The following EPHB1 variants were observed in gnomAD, a reference collection of about 807,000 sequenced individuals.
EPHB1 encodes the protein ephrin type-B receptor 1.
In EPHB1, 30 loss-of-function variants were observed where a neutral mutation model predicts 94.4. The ratio of observed to expected loss-of-function variants is 0.32; its 90% CI spans 0.24 to 0.43. EPHB1 has a LOEUF of 0.43. EPHB1 is among the 20% of genes least tolerant of loss of function. EPHB1 has a pLI of 1.00. For missense variants in EPHB1, 1,055 were observed against 1,308.3 expected, an observed-to-expected ratio of 0.81 and a Z score of 2.99; for synonymous variants, 522 against 489.1, an observed-to-expected ratio of 1.07 and a Z score of -0.89.
At chr3:135,024,790 A>T (rs1040964854) in intron 3 of EPHB1, among the ~76,000 whole-genome samples, 3 of 151,928 alleles carry the variant, frequency 2.0e-5, no homozygotes, top group Non-Finnish European at 4.4e-5. Context: ...TCTTAGATAT[A>T]CTCCCATTTT....
chr3:134,821,210 G>A (rs2036374009), intron 1 of EPHB1, among the ~76,000 whole-genome samples: 1 of 152,132 alleles, frequency 6.6e-6, no homozygotes, highest in South Asian at 2.1e-4. Context: ...ATTGGATGTG[G>A]CCCACCCACA....
intron 6 of EPHB1, among the ~76,000 whole-genome samples, chr3:135,160,896 G>A (rs1308787916): frequency 6.6e-6 from 1 of 152,176 alleles, no homozygotes; most frequent in Non-Finnish European, 1.5e-5. Context: ...AAGAGCCTAA[G>A]CAAATGTCTG....
chr3:134,838,878 G>A lies in EPHB1; in HGVS notation c.58+43189G>A, dbSNP rs564477780. On this transcript the variant is annotated intron_variant, in intron 1 of 15. Coordinates refer to ENST00000398015, the MANE Select transcript of EPHB1 (RefSeq NM_004441.5). ...GCAACTTTGGAGCTAGAAAATGGAG[G>A]CAAACCTTCTACCCCTAGGCAGATC... Among the ~76,000 whole-genome samples, 171 of 152,264 alleles carry A rather than the reference G, an allele frequency of 1.1e-3. 1 individual carries two copies. The highest frequency in any genetic ancestry group is 4.0e-3 in the African/African-American group (168 of 41,536).
chr3:134,882,305 T>C (rs2037747145), intron 1 of EPHB1, among the ~76,000 whole-genome samples: 2 of 152,122 alleles, frequency 1.3e-5, no homozygotes, highest in South Asian at 2.1e-4. Flanking sequence ...ACAACCAAAA[T>C]GTGAGAGAGA....
At chr3:135,120,211 CTCT>C (rs1241361978) in intron 4 of EPHB1, among the ~76,000 whole-genome samples, 2 of 152,180 alleles carry the variant, frequency 1.3e-5, no homozygotes, top group African/African-American at 4.8e-5. Flanking sequence ...GGGGATGATT[CTCT>C]TCTTTATGAT....
chr3:134,945,001 T>C (rs62270321), intron 2 of EPHB1, among the ~76,000 whole-genome samples: 17,459 of 152,214 alleles, frequency 0.11, 1,114 homozygotes, highest in Non-Finnish European at 0.13. Context: ...ACTCACACTT[T>C]ATGAAGAGTG....
intron 3 of EPHB1, among the ~76,000 whole-genome samples, chr3:135,007,506 G>A (rs1010869765): frequency 6.6e-6 from 1 of 152,076 alleles, no homozygotes; most frequent in African/African-American, 2.4e-5. Flanking sequence ...TTATCTTGTG[G>A]CTTCCATAAC....
At chr3:135,052,720 G>A (rs972491506) in intron 3 of EPHB1, among the ~76,000 whole-genome samples, 1 of 150,202 alleles carries the variant, frequency 6.7e-6, no homozygotes, top group African/African-American at 2.5e-5. Context: ...AATTAGCCGG[G>A]CGTGTTGGCT....
intron 15 of EPHB1, among the ~76,000 whole-genome samples, chr3:135,258,641 C>T (rs932155306): frequency 6.6e-6 from 1 of 152,132 alleles, no homozygotes; most frequent in African/African-American, 2.4e-5. Context: ...GCAGAAAACT[C>T]CACAGAATAA....
At chr3:135,152,316 T>C (rs1941219610) in intron 5 of EPHB1, among the ~76,000 whole-genome samples, 2 of 152,196 alleles carry the variant, frequency 1.3e-5, no homozygotes, top group African/African-American at 2.4e-5. Context: ...TCGGAAGATA[T>C]GTAAATTGGT....
chr3:135,102,237 G>C (rs1392519977), intron 3 of EPHB1, among the ~76,000 whole-genome samples: 2 of 152,152 alleles, frequency 1.3e-5, no homozygotes, highest in Non-Finnish European at 2.9e-5. Flanking sequence ...ATGCAGGTGA[G>C]CAGTCTCCAG....
intron 1 of EPHB1, among the ~76,000 whole-genome samples, chr3:134,811,850 G>T (rs2036186460): frequency 6.6e-6 from 1 of 152,196 alleles, no homozygotes. Flanking sequence ...CAGTCGGAAA[G>T]GATGTCCACC....
intron 1 of EPHB1, among the ~76,000 whole-genome samples, chr3:134,914,248 C>T (rs777743113): frequency 4.5e-4 from 69 of 152,298 alleles, no homozygotes; most frequent in Non-Finnish European, 8.7e-4. Flanking sequence ...TTCTACTCCC[C>T]ACATCAGGAC....
intron 3 of EPHB1, among the ~76,000 whole-genome samples, chr3:135,059,706 G>T (rs1046832451): frequency 1.3e-5 from 2 of 152,214 alleles, no homozygotes; most frequent in African/African-American, 4.8e-5. Context: ...ACACAACAAA[G>T]TATACATTTC....
At chr3:134,956,881 G>A (rs986157366) in intron 3 of EPHB1, among the ~76,000 whole-genome samples, 13 of 152,110 alleles carry the variant, frequency 8.5e-5, no homozygotes, top group African/African-American at 3.1e-4. Context: ...CAGGAATCCT[G>A]AATTCCCAGT....
rs745400408 is a variant in EPHB1, at chr3:135,201,545, C to T, written c.2202C>T (p.Tyr734=). 1 of 1,613,966 alleles carries T rather than the reference C, an allele frequency of 6.2e-7. No individual in the cohort carries two copies. Among genetic ancestry groups the T allele is most frequent in the Non-Finnish European group, 8.5e-7 (1 of 1,180,008 alleles). ...MLRGIAAGMK[Y]LAEMNYVHRD... ...GGGGCATCGCTGCTGGCATGAAGTA[C>T]CTGGCTGAGATGAATTATGTGCATC... The change falls in exon 12 of 16, where the codon TAC becomes TAT. Residue 734 remains tyrosine (Y), a synonymous_variant. Coordinates refer to ENST00000398015, the MANE Select transcript of EPHB1 (RefSeq NM_004441.5).
chr3:134,818,192 A>G (rs2036306553), intron 1 of EPHB1, among the ~76,000 whole-genome samples: 1 of 152,012 alleles, frequency 6.6e-6, no homozygotes, highest in Non-Finnish European at 1.5e-5. Flanking sequence ...CACTTTCTCT[A>G]CCCTACTTTC....
At chr3:135,235,017 A>G (rs1293484985) in intron 12 of EPHB1, among the ~76,000 whole-genome samples, 1 of 152,164 alleles carries the variant, frequency 6.6e-6, no homozygotes, top group Admixed American at 6.5e-5. Context: ...TTCTCTCCAT[A>G]CCTGGAAGGT....
chr3:134,849,847 G>C (rs958228804), intron 1 of EPHB1, among the ~76,000 whole-genome samples: 1 of 152,104 alleles, frequency 6.6e-6, no homozygotes. Context: ...ATTGCTTTTC[G>C]CTACATATCT....
Sources: allele counts gnomAD v4.1 joint callset (sites outside exome capture counted in the v4.1 genomes callset), GRCh38; gene constraint gnomAD v4.1.1; transcripts MANE v1.5; gene names NCBI Gene and HGNC (gene_info 2026-07-23, HGNC 2026-07-21).